The following PXT1 variants were observed in gnomAD, a reference collection of about 807,000 sequenced individuals.
PXT1 encodes peroxisomal testis-specific protein 1.
In PXT1, 11 loss-of-function variants were observed where a neutral mutation model predicts 11.0. The ratio of observed to expected loss-of-function variants is 1.00; its 90% CI spans 0.63 to 1.66. PXT1 has a LOEUF of 1.66. Among genes scored for constraint, PXT1 ranks in the 40% most tolerant of loss-of-function variants. The pLI, the probability that PXT1 is intolerant of heterozygous loss-of-function variation, is 0.00. For missense variants in PXT1, 141 were observed against 155.5 expected (o/e 0.91, Z 0.49); for synonymous variants, 43 against 51.4 (o/e 0.84, Z 0.70).
chr6:36,433,164 GA>G (rs1774716710), intron 2 of PXT1, among the ~76,000 whole-genome samples: 1 of 151,760 alleles, frequency 6.6e-6, no homozygotes, highest in Non-Finnish European at 1.5e-5. Context: ...AATCAGGGGG[GA>G]AAAGAATCAC....
intron 3 of PXT1, among the ~76,000 whole-genome samples, chr6:36,415,810 A>G (rs1019339161): frequency 1.3e-5 from 2 of 152,206 alleles, no homozygotes; most frequent in African/African-American, 4.8e-5. Flanking sequence ...TTAAGAAGGA[A>G]TGTAAATACA....
At chr6:36,423,390 C>G (rs1774551173) in intron 3 of PXT1, among the ~76,000 whole-genome samples, 1 of 152,272 alleles carries the variant, frequency 6.6e-6, no homozygotes, top group Non-Finnish European at 1.5e-5. Flanking sequence ...CCGCCCTAGG[C>G]TTTCTGTGGT....
chr6:36,428,182 G>C (rs541646406), intron 2 of PXT1, among the ~76,000 whole-genome samples: 1 of 152,208 alleles, frequency 6.6e-6, no homozygotes, highest in South Asian at 2.1e-4. Context: ...CGCGGTGGCT[G>C]ACGCCTGTAA....
intron 3 of PXT1, among the ~76,000 whole-genome samples, chr6:36,422,835 T>G (rs1054609598): frequency 2.0e-5 from 3 of 152,120 alleles, no homozygotes; most frequent in Non-Finnish European, 4.4e-5. Context: ...GCACACGCAT[T>G]TATTTATTTA....
chr6:36,401,957 C>CAAT (rs1561925639), intron 3 of PXT1, among the ~76,000 whole-genome samples: 3 of 144,912 alleles, frequency 2.1e-5, no homozygotes, highest in African/African-American at 7.6e-5. Flanking sequence ...TGTATACATG[C>CAAT]ATATATATAT....
intron 3 of PXT1, among the ~76,000 whole-genome samples, chr6:36,418,250 G>A (rs554107023): frequency 6.6e-6 from 1 of 152,166 alleles, no homozygotes; most frequent in South Asian, 2.1e-4. Flanking sequence ...ACATAGGTTT[G>A]TTGTTGTTGT....
At chr6:36,440,501 G>C (rs1427297050) in intron 1 of PXT1, among the ~76,000 whole-genome samples, 2 of 151,954 alleles carry the variant, frequency 1.3e-5, no homozygotes, top group Non-Finnish European at 2.9e-5. Flanking sequence ...ACCTGGGAGG[G>C]GGATTAAGTC....
chr6:36,396,368 A>G (rs1774144231), intron 4 of PXT1, among the ~76,000 whole-genome samples: 1 of 152,144 alleles, frequency 6.6e-6, no homozygotes, highest in Non-Finnish European at 1.5e-5. Context: ...GGACCCAGGC[A>G]TCTCTGCAGC....
At position 36,391,728 on chromosome 6, in the gene PXT1, A is replaced by G; in HGVS notation, c.*42T>C. Reference sequence around the variant, plus strand: ...GTGGGATTCATGTTTCTCAGAGGGTAAAAAGAAAACAGAACTTGACCACTT... The same window carrying G: ...GTGGGATTCATGTTTCTCAGAGGGTGAAAAGAAAACAGAACTTGACCACTT... On this transcript the variant is annotated 3_prime_UTR_variant, in exon 5 of 5. Transcript: ENST00000454782. The G allele has an allele frequency of 9.1e-6, 12 of 1,317,290 alleles. No homozygotes were observed. The highest frequency in any genetic ancestry group is 1.3e-5 in the Non-Finnish European group (12 of 911,010). 81.6% of individuals were successfully genotyped at this position (1,317,290 alleles called of 1,614,324 possible).
chr6:36,420,450 T>C (rs1774508163), intron 3 of PXT1, among the ~76,000 whole-genome samples: 1 of 152,108 alleles, frequency 6.6e-6, no homozygotes, highest in African/African-American at 2.4e-5. Flanking sequence ...ATACTTTTCA[T>C]CCAAAAATAG....
chr6:36,438,970 C>A (rs1395234505), intron 1 of PXT1, 84 bp from the exon 2 acceptor site: 1 of 151,710 alleles, frequency 6.6e-6, no homozygotes, highest in Non-Finnish European at 1.5e-5. Flanking sequence ...AAATAAATAT[C>A]TCATAGCTTT....
chr6:36,391,461 T>G lies in PXT1; in HGVS notation c.*309A>C. On this transcript the variant is annotated 3_prime_UTR_variant, in exon 5 of 5. Coordinates refer to ENST00000454782, the MANE Select transcript of PXT1 (RefSeq NM_152990.4). ...CATTCCTGGAAGGAAATGTTCAAGGTTTCCTCACAAGGAGCCCTGGGACCA... is the reference window on the plus strand; with the variant it reads ...CATTCCTGGAAGGAAATGTTCAAGGGTTCCTCACAAGGAGCCCTGGGACCA... 1 of 294,896 alleles carries G rather than the reference T, an allele frequency of 3.4e-6. No individual in the cohort carries two copies. The highest frequency in any genetic ancestry group is 6.3e-6 in the Non-Finnish European group (1 of 159,376). 18.3% of individuals were successfully genotyped at this position (294,896 alleles called of 1,614,324 possible). A position where few individuals can be genotyped will look rare whatever the true frequency, so the allele number is the denominator to read the frequency against.
chr6:36,412,266 C>T (rs1297752751), intron 3 of PXT1, among the ~76,000 whole-genome samples: 2 of 151,840 alleles, frequency 1.3e-5, no homozygotes, highest in African/African-American at 2.4e-5. Flanking sequence ...GCAGGAGAAT[C>T]GCTTGAACCT....
At chr6:36,427,137 G>A (rs1483190893) in intron 2 of PXT1, among the ~76,000 whole-genome samples, 1 of 151,474 alleles carries the variant, frequency 6.6e-6, no homozygotes, top group Non-Finnish European at 1.5e-5. Context: ...CGAGTAGCTG[G>A]GACTACAGGT....
chr6:36,434,674 A>C (rs1399274131), intron 2 of PXT1, among the ~76,000 whole-genome samples: 1 of 152,232 alleles, frequency 6.6e-6, no homozygotes, highest in Non-Finnish European at 1.5e-5. Flanking sequence ...TAAGAGAATC[A>C]ATAATCATGC....
At chr6:36,436,360 A>G (rs1189093413) in intron 2 of PXT1, among the ~76,000 whole-genome samples, 1 of 152,242 alleles carries the variant, frequency 6.6e-6, no homozygotes, top group East Asian at 1.9e-4. Context: ...TAGTAATTCA[A>G]TAATCCACTA....
At chr6:36,441,161 C>A (rs1424292377) in intron 1 of PXT1, among the ~76,000 whole-genome samples, 1 of 151,110 alleles carries the variant, frequency 6.6e-6, no homozygotes, top group Non-Finnish European at 1.5e-5. Context: ...GGGAAGGAAT[C>A]TTTCCAGAAA....
At chr6:36,399,624 A>T (rs1332985188) in intron 4 of PXT1, among the ~76,000 whole-genome samples, 1 of 152,166 alleles carries the variant, frequency 6.6e-6, no homozygotes, top group Non-Finnish European at 1.5e-5. Context: ...GCACCAAGAA[A>T]GCTTCACAGG....
At chr6:36,410,216 C>T (rs533364510) in intron 3 of PXT1, among the ~76,000 whole-genome samples, 4 of 151,224 alleles carry the variant, frequency 2.6e-5, no homozygotes, top group Admixed American at 1.3e-4. Flanking sequence ...TTTGGGAGGC[C>T]GAGGCGGGTG....
Sources: gnomAD v4.1 joint callset for allele counts (sites outside exome capture counted in the v4.1 genomes callset) on GRCh38, gnomAD v4.1.1 for gene constraint, MANE v1.5 for transcripts, NCBI Gene and HGNC (gene_info 2026-07-23, HGNC 2026-07-21) for gene names.